GRM1: variants seen among roughly 807,000 people sequenced by gnomAD.
The protein encoded by GRM1 is glutamate metabotropic receptor 1.
Under a neutral mutation model 90.9 loss-of-function variants are expected in GRM1, and 33 were observed. The observed-to-expected ratio is 0.36, with a 90% CI of 0.28 to 0.49. The LOEUF (loss-of-function observed/expected upper bound fraction) is 0.49, where lower values mean the gene tolerates loss of function less well. Among genes scored for constraint, GRM1 ranks in the 20% least tolerant of loss-of-function variants. The pLI, the probability that GRM1 is intolerant of heterozygous loss-of-function variation, is 0.99. For synonymous variants in GRM1, 700 were observed against 613.2 expected (o/e 1.14, Z -2.09); for missense variants, 1,190 against 1,534.3 (o/e 0.78, Z 3.75).
intron 3 of GRM1, among the ~76,000 whole-genome samples, chr6:146,338,825 CCT>C (rs1784868729): frequency 6.6e-6 from 1 of 152,262 alleles, no homozygotes; most frequent in East Asian, 1.9e-4. Flanking sequence ...CTCGGTATCT[CCT>C]CTCTGTTTGC....
At chr6:146,270,472 A>G (rs1782074528) in intron 2 of GRM1, among the ~76,000 whole-genome samples, 1 of 152,098 alleles carries the variant, frequency 6.6e-6, no homozygotes, top group Non-Finnish European at 1.5e-5. Context: ...TTTTCTCCCT[A>G]GTTAATGTTT....
intron 3 of GRM1, among the ~76,000 whole-genome samples, chr6:146,309,882 A>C (rs2114939187): frequency 6.6e-6 from 1 of 152,302 alleles, no homozygotes; most frequent in East Asian, 1.9e-4. Context: ...TTGCATACTT[A>C]ATATTTGCTC....
intron 3 of GRM1, among the ~76,000 whole-genome samples, chr6:146,316,882 C>G (rs1783993067): frequency 6.6e-6 from 1 of 152,154 alleles, no homozygotes; most frequent in African/African-American, 2.4e-5. Flanking sequence ...ATTTGATGCT[C>G]ACAGTCTCTT....
Position 146,368,260 on chromosome 6 carries a change from TGG to T in GRM1, c.1602+10576_1602+10577del, listed in dbSNP as rs200400693. ...TTTATCATTTTCTACAGTTTTTTTT[TGG>T]GGGGGGGGGTAGAATCTTTAGATTT... On this transcript the variant is annotated intron_variant, in intron 5 of 7. Coordinates refer to ENST00000282753, the MANE Select transcript of GRM1 (RefSeq NM_001278064.2). 1.0e-3 allele frequency among the ~76,000 whole-genome samples: 121 copies of T among 115,924 alleles called. 2 individuals are homozygous for T. The East Asian group carries it at 0.013, about 12-fold the overall frequency. The allele number at this position is 115,924 out of a possible 152,430, so 76.1% of individuals were successfully genotyped here. A position where few individuals can be genotyped will look rare whatever the true frequency, so the allele number is the denominator to read the frequency against.
chr6:146,434,418 G>A lies in GRM1; in HGVS notation c.3207G>A (p.Pro1069=), dbSNP rs1178387181. Residue 1069 remains proline (P), a synonymous_variant, in exon 8 of 8, where the codon CCG becomes CCA. Transcript: ENST00000282753. ...GGCTGCGGTCCCTGTACCCGCCCCC[G>A]CCACCTCCGCAGCACCTGCAGATGC... is the stretch of plus-strand genomic sequence containing the variant. ...GNGLRSLYPP[P]PPPQHLQMLP... The A allele has an allele frequency of 6.2e-7, 1 of 1,613,388 alleles. No individual in the cohort carries two copies. The highest frequency in any genetic ancestry group is 1.3e-5 in the African/African-American group (1 of 75,038).
chr6:146,226,088 CG>C (rs1562540784), intron 2 of GRM1, among the ~76,000 whole-genome samples: 3 of 152,026 alleles, frequency 2.0e-5, no homozygotes, highest in African/African-American at 7.2e-5. Flanking sequence ...TCATTTAAGC[CG>C]ATCAGTAAAG....
intron 2 of GRM1, among the ~76,000 whole-genome samples, chr6:146,261,820 T>G (rs2114794193): frequency 6.6e-6 from 1 of 151,312 alleles, no homozygotes. Context: ...ATCAAATAAA[T>G]AAAGTAAAGC....
intron 2 of GRM1, among the ~76,000 whole-genome samples, chr6:146,242,143 G>A (rs996963401): frequency 6.6e-6 from 1 of 152,156 alleles, no homozygotes; most frequent in Non-Finnish European, 1.5e-5. Context: ...CCTATATGGG[G>A]TTAAGAGCTC....
rs972871768 is a variant in GRM1 at position 146,434,889 on chromosome 6, G to C, written c.*93G>C. The C allele has an allele frequency of 1.5e-5, 17 of 1,119,544 alleles. No homozygotes were observed. Among genetic ancestry groups the C allele is most frequent in the East Asian group, 1.2e-4 (5 of 41,478 alleles). 69.4% of individuals were successfully genotyped at this position (1,119,544 alleles called of 1,614,324 possible). The stretch of plus-strand genomic sequence containing the variant: ...CAGCTGGGAGGAAAAGCCTGGGAGT[G>C]GGGGGCCTCGTCGGGAGGACAGGAG... On this transcript the variant is annotated 3_prime_UTR_variant, in exon 8 of 8. Transcript: ENST00000282753.
intron 2 of GRM1, among the ~76,000 whole-genome samples, chr6:146,188,468 A>G (rs183511790): frequency 1.3e-5 from 2 of 152,234 alleles, no homozygotes; most frequent in East Asian, 3.9e-4. Flanking sequence ...CCATTTCTGG[A>G]CTGAAATATT....
At chr6:146,183,950 G>T (rs1348199284) in intron 2 of GRM1, among the ~76,000 whole-genome samples, 1 of 152,120 alleles carries the variant, frequency 6.6e-6, no homozygotes, top group African/African-American at 2.4e-5. Context: ...CAATAATCAG[G>T]CCACTTAGTC....
At chr6:146,346,242 TTC>T (rs202089809) in intron 3 of GRM1, among the ~76,000 whole-genome samples, 2,898 of 152,332 alleles carry the variant, frequency 0.019, 40 homozygotes, top group Middle Eastern at 0.031. Flanking sequence ...CATGAGAAAT[TTC>T]TGTTTTAACA....
At chr6:146,170,287 T>C (rs907062330) in intron 2 of GRM1, among the ~76,000 whole-genome samples, 3 of 152,186 alleles carry the variant, frequency 2.0e-5, no homozygotes, top group Non-Finnish European at 2.9e-5. Flanking sequence ...TTCTTGCATA[T>C]GTAGATAAAA....
At chr6:146,104,170 G>C (rs1777143677) in intron 1 of GRM1, among the ~76,000 whole-genome samples, 1 of 152,218 alleles carries the variant, frequency 6.6e-6, no homozygotes, top group Non-Finnish European at 1.5e-5. Context: ...GCTGGGCGCG[G>C]TGGCTTACGC....
chr6:146,325,380 C>A (rs959912857), intron 3 of GRM1, among the ~76,000 whole-genome samples: 22 of 152,152 alleles, frequency 1.4e-4, no homozygotes, highest in African/African-American at 5.1e-4. Flanking sequence ...TGTGAGAAAC[C>A]AATATCATCT....
At chr6:146,154,764 T>A (rs1338936244) in intron 1 of GRM1, among the ~76,000 whole-genome samples, 1 of 152,174 alleles carries the variant, frequency 6.6e-6, no homozygotes, top group Non-Finnish European at 1.5e-5. Context: ...CTGATATTTA[T>A]CTTAAAAAAT....
At chr6:146,139,909 T>TCCCTTCCCTC (rs1583059025) in intron 1 of GRM1, among the ~76,000 whole-genome samples, 1 of 99,236 alleles carries the variant, frequency 1.0e-5, no homozygotes, top group Non-Finnish European at 2.0e-5. Flanking sequence ...TCCCTTCCCT[T>TCCCTTCCCTC]CCCTTCCCTC....
At chr6:146,397,659 G>A (rs1417348208) in intron 6 of GRM1, among the ~76,000 whole-genome samples, 2 of 152,084 alleles carry the variant, frequency 1.3e-5, no homozygotes, top group African/African-American at 4.8e-5. Flanking sequence ...AGAGCTGGTT[G>A]ACATCACCTG....
intron 3 of GRM1, among the ~76,000 whole-genome samples, chr6:146,339,042 A>G (rs1296471715): frequency 6.6e-6 from 1 of 152,236 alleles, no homozygotes; most frequent in Non-Finnish European, 1.5e-5. Context: ...TACAAACAGC[A>G]CAGAGTTAGA....
Sources: allele counts gnomAD v4.1 joint callset (sites outside exome capture counted in the v4.1 genomes callset), GRCh38; gene constraint gnomAD v4.1.1; transcripts MANE v1.5; gene names NCBI Gene and HGNC (gene_info 2026-07-23, HGNC 2026-07-21).